The following CCNI variants were observed in gnomAD, a reference collection of about 807,000 sequenced individuals.
CCNI encodes the protein cyclin I.
CCNI carries 14 observed loss-of-function variants against 34.1 expected under a neutral mutation model. The ratio of observed to expected loss-of-function variants is 0.41; its 90% confidence interval spans 0.27 to 0.64. The LOEUF is 0.64. Among genes scored for constraint, CCNI ranks in the 30% least tolerant of loss-of-function variants. CCNI has a pLI of 0.31. For missense variants in CCNI, 385 were observed against 440.5 expected, an observed-to-expected ratio of 0.87 and a Z score of 1.13; for synonymous variants, 154 against 158.4, an observed-to-expected ratio of 0.97 and a Z score of 0.21.
Position 77,048,029 on chromosome 4 carries a change from C to A in CCNI, c.*190G>T. The A allele has an allele frequency of 8.8e-6, 3 of 341,406 alleles. No homozygotes were observed. Among genetic ancestry groups the A allele is most frequent in the East Asian group, 4.5e-5 (1 of 22,054 alleles). The allele number at this position is 341,406 out of a possible 1,614,324, so 21.1% of individuals were successfully genotyped here. A position where few individuals can be genotyped will look rare whatever the true frequency, so the allele number is the denominator to read the frequency against. ...TGGATTTCTTTTTTTTTTTTTTGGT[C>A]TTTATGTGCTTAAATAACGCTGAAT... On this transcript the variant is annotated 3_prime_UTR_variant, in exon 7 of 7. Coordinates refer to ENST00000237654, the MANE Select transcript of CCNI (RefSeq NM_006835.3).
chr4:77,070,723 G>A (rs1020096149), intron 1 of CCNI, among the ~76,000 whole-genome samples: 1 of 152,068 alleles, frequency 6.6e-6, no homozygotes, highest in African/African-American at 2.4e-5. Flanking sequence ...AGGTGCTGTG[G>A]CTCATTCCTG....
intron 2 of CCNI, among the ~76,000 whole-genome samples, chr4:77,062,657 C>T (rs1728692176): frequency 1.3e-5 from 2 of 152,090 alleles, no homozygotes; most frequent in Admixed American, 6.6e-5. Flanking sequence ...AAGCTGTTAA[C>T]AACCTCTTTT....
chr4:77,048,392 T>C lies in CCNI; in HGVS notation c.961A>G (p.Thr321Ala), dbSNP rs776741206. Residue 321 changes from threonine (T) to alanine (A), a missense_variant, in exon 7 of 7, where the codon ACT becomes GCT. This residue lies in a region of CCNI where 250 missense variants were observed against 248.7 expected (regional missense o/e 1.01). Transcript: ENST00000237654. ...TCCATTTCCTCTACTTTGCGTTTAG[T>C]AGAGGTCTGCTTGCACCCACTGGCA... Reference protein sequence around the residue: ...PAASGCKQTSTKRKVEEMEVD... With the variant: ...PAASGCKQTSAKRKVEEMEVD... The C allele has an allele frequency of 2.5e-6, 4 of 1,614,038 alleles. No individual in the cohort carries two copies. Among genetic ancestry groups the C allele is most frequent in the African/African-American group, 1.3e-5 (1 of 74,910 alleles).
At chr4:77,054,534 T>C (rs1728078737) in intron 6 of CCNI, among the ~76,000 whole-genome samples, 1 of 152,332 alleles carries the variant, frequency 6.6e-6, no homozygotes, top group Middle Eastern at 3.4e-3. Flanking sequence ...TCTCACCAAC[T>C]TTCCATTTGA....
chr4:77,054,358 A>G (rs1169580674), intron 6 of CCNI, among the ~76,000 whole-genome samples: 1 of 152,222 alleles, frequency 6.6e-6, no homozygotes, highest in Non-Finnish European at 1.5e-5. Flanking sequence ...AACTACTGTT[A>G]AATAAGAATA....
rs1372728784 is a variant in CCNI, at chr4:77,055,963, A to G, written c.458T>C (p.Ile153Thr). The G allele has an allele frequency of 1.2e-6, 2 of 1,608,656 alleles. No individual in the cohort carries two copies. The highest frequency in any genetic ancestry group is 1.7e-6 in the Non-Finnish European group (2 of 1,177,406). The stretch of plus-strand genomic sequence containing the variant: ...CTAAAAGACTTCAGGTATATTTACA[A>G]TATGAAGAAAATCCAATGGTGTGGC... Reference protein sequence around the residue: ...HTATPLDFLHIFHAIAVSTRP... With the variant: ...HTATPLDFLHTFHAIAVSTRP... The change falls in exon 5 of 7, where the codon ATT becomes ACT. Residue 153 changes from isoleucine to threonine, a missense_variant and splice_region_variant. Coordinates refer to ENST00000237654, the MANE Select transcript of CCNI (RefSeq NM_006835.3).
At chr4:77,058,414 C>T (rs2109809718) in intron 3 of CCNI, 93 bp downstream of exon 3, 1 of 982,792 alleles carries the variant, frequency 1.0e-6, no homozygotes, top group Non-Finnish European at 1.5e-6. Context: ...TTCTCCACTT[C>T]TTTCTACCTT....
intron 6 of CCNI, among the ~76,000 whole-genome samples, chr4:77,049,447 G>C (rs541718059): frequency 6.6e-6 from 1 of 152,254 alleles, no homozygotes; most frequent in Non-Finnish European, 1.5e-5. Flanking sequence ...GGAGGCCAAG[G>C]CAGGTGGATC....
chr4:77,069,942 C>T (rs1371621666), intron 1 of CCNI, among the ~76,000 whole-genome samples: 2 of 151,846 alleles, frequency 1.3e-5, no homozygotes, highest in Non-Finnish European at 2.9e-5. Context: ...CTGAAAACTT[C>T]GATAGCTCCT....
chr4:77,051,589 C>T (rs189995354), intron 6 of CCNI, among the ~76,000 whole-genome samples: 1 of 152,282 alleles, frequency 6.6e-6, no homozygotes. Context: ...TCCAAAATAA[C>T]ATCAAAATAA....
chr4:77,056,194 T>C, intron 4 of CCNI, 55 bp downstream of exon 4: 3 of 1,595,234 alleles, frequency 1.9e-6, no homozygotes, highest in East Asian at 4.5e-5. Flanking sequence ...AGCAAGTTAA[T>C]AAATGTGGAG....
At chr4:77,075,323 T>G in intron 1 of CCNI, 149 bp downstream of exon 1, 1 of 160,404 alleles carries the variant, frequency 6.2e-6, no homozygotes. Flanking sequence ...TTCCCCGGGC[T>G]GGGGGATGCG....
rs778178511 is a variant in CCNI, at chr4:77,066,400, A to G, written c.-38T>C. 1 of 1,611,254 alleles carries G rather than the reference A, an allele frequency of 6.2e-7. No individual in the cohort carries two copies. Among genetic ancestry groups the G allele is most frequent in the Non-Finnish European group, 8.5e-7 (1 of 1,178,734 alleles). On this transcript the variant is annotated 5_prime_UTR_variant, in exon 2 of 7. Coordinates refer to ENST00000237654, the MANE Select transcript of CCNI (RefSeq NM_006835.3). ...ATCTGCCTGCTACCCAGCTTGCTGTAGCTACCTACAGAATCAAGTAAGTTT... is the reference window on the plus strand; with the variant it reads ...ATCTGCCTGCTACCCAGCTTGCTGTGGCTACCTACAGAATCAAGTAAGTTT...
chr4:77,056,650 C>T (rs1486857602), intron 3 of CCNI, among the ~76,000 whole-genome samples: 1 of 144,248 alleles, frequency 6.9e-6, no homozygotes, highest in African/African-American at 2.6e-5. Context: ...AGTGCAGTGG[C>T]ACGATGTCAG....
At chr4:77,048,694 G>C (rs1391680337) in intron 6 of CCNI, 32 bp from the exon 7 acceptor site, 1 of 1,469,158 alleles carries the variant, frequency 6.8e-7, no homozygotes, top group Non-Finnish European at 9.1e-7. Flanking sequence ...GCCACACACA[G>C]TTGATCATTA....
chr4:77,067,772 C>A (rs1233027033), intron 1 of CCNI, among the ~76,000 whole-genome samples: 1 of 130,316 alleles, frequency 7.7e-6, no homozygotes, highest in Non-Finnish European at 1.6e-5. Flanking sequence ...TGTGAGCCAC[C>A]GTGCAGGCTT....
chr4:77,055,464 C>CTT (rs11378505), intron 5 of CCNI, 84 bp from the exon 6 acceptor site: 7,680 of 668,510 alleles, frequency 0.011, 45 homozygotes, highest in African/African-American at 0.044. Context: ...TATTCAATTT[C>CTT]TTTTTTTTTT....
intron 6 of CCNI, among the ~76,000 whole-genome samples, chr4:77,053,805 G>C (rs1393927217): frequency 6.6e-6 from 1 of 152,104 alleles, no homozygotes; most frequent in East Asian, 1.9e-4. Flanking sequence ...TAACACTCCA[G>C]GGTGAGCAAA....
intron 2 of CCNI, among the ~76,000 whole-genome samples, chr4:77,060,230 G>A (rs903365870): frequency 2.0e-5 from 3 of 152,180 alleles, no homozygotes; most frequent in Admixed American, 6.5e-5. Context: ...AGAGAATACA[G>A]TTATATGGAG....
Sources: allele counts gnomAD v4.1 joint callset (sites outside exome capture counted in the v4.1 genomes callset), GRCh38; gene constraint gnomAD v4.1.1; regional missense constraint gnomAD v4.1.1; transcripts MANE v1.5; gene names NCBI Gene and HGNC (gene_info 2026-07-23, HGNC 2026-07-21).